Variants in INAVA observed in about 807,000 individuals in gnomAD.
INAVA encodes innate immunity activator, also known as innate immunity activator protein.
Under a neutral mutation model 55.3 loss-of-function variants are expected in INAVA, and 32 were observed. The observed-to-expected ratio is 0.58, with a 90% CI of 0.44 to 0.78. INAVA has a LOEUF of 0.78. INAVA is among the 30% of genes least tolerant of loss of function. The pLI, the probability that INAVA is intolerant of heterozygous loss-of-function variation, is 0.00. For missense variants in INAVA, 756 were observed against 786.4 expected (o/e 0.96, Z 0.46); for synonymous variants, 294 against 329.4 (o/e 0.89, Z 1.16).
intron 9 of INAVA, among the ~76,000 whole-genome samples, chr1:200,912,988 T>C (rs1653813284): frequency 6.6e-6 from 1 of 152,180 alleles, no homozygotes; most frequent in Admixed American, 6.5e-5. Context: ...GAATCCTTTC[T>C]TTATTCTTTC....
intron 5 of INAVA, among the ~76,000 whole-genome samples, chr1:200,903,539 T>G (rs936113817): frequency 2.0e-5 from 3 of 151,186 alleles, no homozygotes; most frequent in Non-Finnish European, 4.4e-5. Context: ...GTGCAGTGGC[T>G]CACACCTGTA....
At chr1:200,898,499 G>A (rs375671012) in intron 2 of INAVA, 44 bp downstream of exon 2, 1 of 1,595,872 alleles carries the variant, frequency 6.3e-7, no homozygotes. Flanking sequence ...CCTAGTCCCT[G>A]GTCCCTGGTC....
chr1:200,900,909 C>G (rs1302527142), intron 4 of INAVA, 28 bp from the exon 5 acceptor site: 2 of 1,511,040 alleles, frequency 1.3e-6, no homozygotes, highest in Non-Finnish European at 1.8e-6. Context: ...CTGCCTCTCT[C>G]TAGCCTCACT....
In INAVA at chr1:200,914,181, G is replaced by A. The variant is rs1293888911; in HGVS notation, c.*552G>A. 1 of 153,436 alleles carries A rather than the reference G, an allele frequency of 6.5e-6. No individual in the cohort carries two copies. Among genetic ancestry groups the A allele is most frequent in the East Asian group, 1.9e-4 (1 of 5,300 alleles). The allele number at this position is 153,436 out of a possible 1,614,324, so 9.5% of individuals were successfully genotyped here. The stretch of plus-strand genomic sequence containing the variant: ...TCTGTGATGCACACACCAAGTGGTA[G>A]GTCAAAGGTCAGTATATCCCGGTGG... On this transcript the variant is annotated 3_prime_UTR_variant, in exon 10 of 10. Coordinates refer to ENST00000413687, the MANE Select transcript of INAVA (RefSeq NM_001142569.3).
At chr1:200,902,475 A>G (rs1177362693) in intron 5 of INAVA, among the ~76,000 whole-genome samples, 1 of 152,226 alleles carries the variant, frequency 6.6e-6, no homozygotes, top group African/African-American at 2.4e-5. Context: ...AGTGGGGCTG[A>G]CCCAGGGAAA....
At chr1:200,905,430 T>C (rs751719208) in intron 5 of INAVA, among the ~76,000 whole-genome samples, 4 of 152,112 alleles carry the variant, frequency 2.6e-5, no homozygotes, top group Non-Finnish European at 4.4e-5. Context: ...TGGACACCTA[T>C]AGTCCCAGCT....
At chr1:200,908,523 G>C (rs1044771723) in intron 6 of INAVA, 1 of 473,736 alleles carries the variant, frequency 2.1e-6, no homozygotes, top group Non-Finnish European at 3.7e-6. Context: ...AAGGAGGAAG[G>C]CATAAAATAG....
In INAVA at chr1:200,911,467, G is replaced by A. The variant is rs527548422; in HGVS notation, c.974G>A (p.Arg325Gln). 2.4e-5 allele frequency: 38 copies of A among 1,611,976 alleles called. No individual in the cohort carries two copies. The East Asian group carries it at 6.2e-4, about 26-fold the overall frequency. Residue 325 changes from arginine (R) to glutamine (Q), a missense_variant, in exon 9 of 10, where the codon CGG becomes CAG. Arg to Gln is a conservative substitution (Grantham distance 43, BLOSUM62 1). This residue lies in a region of INAVA where 639 missense variants were observed against 624.3 expected (regional missense o/e 1.02). Coordinates refer to ENST00000413687, the MANE Select transcript of INAVA (RefSeq NM_001142569.3). ...TCCCTCTTCAGGGTGGATTCCTTCC[G>A]GGCGGGTCCTGAGGGCCGAGGTCGC... The part of the protein sequence containing the change: ...QSQSLRVDSF[R>Q]AGPEGRGRSA...
chr1:200,898,706 G>A (rs536583976), intron 2 of INAVA, among the ~76,000 whole-genome samples: 383 of 152,362 alleles, frequency 2.5e-3, no homozygotes, highest in African/African-American at 8.5e-3. Flanking sequence ...CTATCTGGAA[G>A]AGGGATCTGC....
chr1:200,909,185 G>A (rs756840952), intron 7 of INAVA, 39 bp from the exon 8 acceptor site: 1 of 1,477,192 alleles, frequency 6.8e-7, no homozygotes, highest in Admixed American at 2.4e-5. Context: ...CCTGAATGGA[G>A]GCATTCCTGC....
chr1:200,903,782 G>A (rs1186919290), intron 5 of INAVA, among the ~76,000 whole-genome samples: 9 of 118,094 alleles, frequency 7.6e-5, no homozygotes, highest in Non-Finnish European at 3.3e-5. Context: ...CCAGCCTGGT[G>A]ACAAGAGCGA....
At chr1:200,909,456 T>G (rs185677763) in intron 8 of INAVA, 59 bp downstream of exon 8, 20 of 1,385,958 alleles carry the variant, frequency 1.4e-5, no homozygotes, top group African/African-American at 4.4e-5. Context: ...CGTTGGAGGG[T>G]GGGAGCTCCC....
upstream of INAVA, among the ~76,000 whole-genome samples, chr1:200,892,315 C>T (rs1177773288): frequency 3.3e-5 from 5 of 152,098 alleles, no homozygotes; most frequent in Admixed American, 2.0e-4. Context: ...GACTACTTTG[C>T]TGGGGGCTGT....
At chr1:200,895,514 C>G (rs887809863) in intron 1 of INAVA, among the ~76,000 whole-genome samples, 2 of 152,038 alleles carry the variant, frequency 1.3e-5, no homozygotes, top group African/African-American at 4.8e-5. Context: ...CTTGAAGAGG[C>G]CCAGGAGGGA....
intron 6 of INAVA, chr1:200,908,152 C>T (rs1653569994): frequency 2.6e-6 from 1 of 388,078 alleles, no homozygotes; most frequent in Non-Finnish European, 4.7e-6. Flanking sequence ...GCTGATCAAC[C>T]CCAGATGTCC....
At position 200,908,885 on chromosome 1, in the gene INAVA, C is replaced by G. The variant is rs550201063; in HGVS notation, c.730C>G (p.Leu244Val). The G allele has an allele frequency of 1.2e-6, 2 of 1,614,030 alleles. No homozygotes were observed. The highest frequency in any genetic ancestry group is 3.3e-5 in the Admixed American group (2 of 60,008). ...GAACAGCCCCTGGAAGGAAACCAGCCTGGACCACCCCTATGAGAAGCCCAG... is the reference window on the plus strand; with the variant it reads ...GAACAGCCCCTGGAAGGAAACCAGCGTGGACCACCCCTATGAGAAGCCCAG... Reference protein sequence around the residue: ...VQNSPWKETSLDHPYEKPRKS... With the variant: ...VQNSPWKETSVDHPYEKPRKS... The change falls in exon 7 of 10, where the codon CTG (leucine) becomes GTG (valine). Residue 244 changes from leucine (L) to valine (V), a missense_variant. Coordinates refer to ENST00000413687, the MANE Select transcript of INAVA (RefSeq NM_001142569.3).
intron 7 of INAVA, 108 bp from the exon 8 acceptor site, chr1:200,909,116 C>T: frequency 7.3e-7 from 1 of 1,363,666 alleles, no homozygotes; most frequent in Non-Finnish European, 9.9e-7. Context: ...TGGCAGTTTG[C>T]CCTACTAACT....
chr1:200,895,754 G>A (rs1276479540), intron 1 of INAVA, among the ~76,000 whole-genome samples: 1 of 152,150 alleles, frequency 6.6e-6, no homozygotes, highest in African/African-American at 2.4e-5. Flanking sequence ...CATTGACCAA[G>A]AGGTCGAGAT....
intron 5 of INAVA, among the ~76,000 whole-genome samples, chr1:200,906,918 C>G (rs1653517100): frequency 6.6e-6 from 1 of 152,128 alleles, no homozygotes. Context: ...CTCGACCTCC[C>G]AGGCTCAAGT....
Sources: allele counts gnomAD v4.1 joint callset (sites outside exome capture counted in the v4.1 genomes callset), GRCh38; gene constraint gnomAD v4.1.1; regional missense constraint gnomAD v4.1.1; transcripts MANE v1.5; gene names NCBI Gene and HGNC (gene_info 2026-07-23, HGNC 2026-07-21).